The following GJA3 variants were observed in gnomAD, a reference collection of about 807,000 sequenced individuals.
GJA3 encodes the protein gap junction protein alpha 3, also known as gap junction alpha-3 protein.
For missense variants in GJA3, 571 were observed against 620.3 expected (o/e 0.92, Z 0.84); for synonymous variants, 297 against 292.6 (o/e 1.02, Z -0.15).
chr13:20,142,247 T>C lies in GJA3; in HGVS notation c.1042A>G (p.Thr348Ala). 1.3e-6 allele frequency: 2 copies of C among 1,541,528 alleles called. No homozygotes were observed. Among genetic ancestry groups the C allele is most frequent in the African/African-American group, 2.8e-5 (2 of 71,380 alleles). The change falls in exon 2 of 2, where the codon ACG becomes GCG. Residue 348 changes from threonine to alanine, a missense_variant. Transcript: ENST00000241125. ...PALKAYPAASTPAAPSPVGSS... is the reference protein window; with the variant it reads ...PALKAYPAASAPAAPSPVGSS... The stretch of plus-strand genomic sequence containing the variant: ...CCGACGGGGCTGGGGGCTGCAGGCG[T>C]GGACGCTGCCGGGTAAGCCTTGAGC...
intron 1 of GJA3, among the ~76,000 whole-genome samples, chr13:20,159,264 A>G (rs4769959): frequency 0.27 from 41,125 of 151,688 alleles, 7,025 homozygotes; most frequent in Non-Finnish European, 0.38. Flanking sequence ...TTTGCAATCT[A>G]TGAGAGAGGC....
At chr13:20,153,549 C>T (rs1433083168) in intron 1 of GJA3, among the ~76,000 whole-genome samples, 1 of 152,058 alleles carries the variant, frequency 6.6e-6, no homozygotes, top group Non-Finnish European at 1.5e-5. Flanking sequence ...AACCAAACAC[C>T]ACATGTTCTC....
chr13:20,138,845 G>T lies in GJA3; in HGVS notation c.*3136C>A, dbSNP rs574092868. The T allele has an allele frequency of 3.7e-4, 56 of 152,240 alleles. No individual in the cohort carries two copies. The highest frequency in any genetic ancestry group is 1.3e-3 in the African/African-American group (54 of 41,548). 9.4% of individuals were successfully genotyped at this position (152,240 alleles called of 1,614,324 possible). The stretch of plus-strand genomic sequence containing the variant: ...TTCAGTAATACAAAATAAAGAAAGT[G>T]TTAATAATACTTTTTAAAAAGCCTA... On this transcript the variant is annotated 3_prime_UTR_variant, in exon 2 of 2. Coordinates refer to ENST00000241125, the MANE Select transcript of GJA3 (RefSeq NM_021954.4).
Position 20,141,836 on chromosome 13 carries a change from C to G in GJA3, c.*145G>C. On this transcript the variant is annotated 3_prime_UTR_variant, in exon 2 of 2. Transcript: ENST00000241125. ...AGCATTGAACACGGAAACCTGATCT[C>G]TCCTCCATCGTCCACCTCCTGGGAC... is the stretch of plus-strand genomic sequence containing the variant. 4 of 1,207,766 alleles carry G rather than the reference C, an allele frequency of 3.3e-6. No individual in the cohort carries two copies. The South Asian group carries it at 6.1e-5, about 18-fold the overall frequency. The allele number at this position is 1,207,766 out of a possible 1,614,324, so 74.8% of individuals were successfully genotyped here.
At chr13:20,150,571 T>G (rs1233149191) in intron 1 of GJA3, among the ~76,000 whole-genome samples, 1 of 152,242 alleles carries the variant, frequency 6.6e-6, no homozygotes, top group African/African-American at 2.4e-5. Flanking sequence ...TTTATCCTTT[T>G]AACTCTGTTC....
In GJA3 at chr13:20,143,061, G is replaced by A. The variant is rs771941213; in HGVS notation, c.228C>T (p.Arg76=). The A allele has an allele frequency of 1.9e-6, 3 of 1,613,814 alleles. No homozygotes were observed. The highest frequency in any genetic ancestry group is 1.3e-5 in the African/African-American group (1 of 74,944). The part of the protein sequence containing the change: ...YDRAFPISHI[R]FWALQIIFVS... ...CGAAGATGATCTGCAGCGCCCAGAA[G>A]CGGATGTGGGAGATGGGGAAGGCCC... The change falls in exon 2 of 2, where the codon CGC becomes CGT. Residue 76 remains arginine, a synonymous_variant. Coordinates refer to ENST00000241125, the MANE Select transcript of GJA3 (RefSeq NM_021954.4).
intron 1 of GJA3, among the ~76,000 whole-genome samples, chr13:20,148,253 CTTTTTT>C (rs71074204): frequency 3.3e-5 from 3 of 90,720 alleles, no homozygotes; most frequent in Non-Finnish European, 6.6e-5. Flanking sequence ...TACTATGGTT[CTTTTTT>C]TTTTTTTTTT....
At chr13:20,161,338 G>T (rs376727756), upstream of GJA3, among the ~76,000 whole-genome samples, 1 of 152,214 alleles carries the variant, frequency 6.6e-6, no homozygotes, top group South Asian at 2.1e-4. Context: ...ATGCCCGCGC[G>T]GGACGTGAGA....
intron 1 of GJA3, among the ~76,000 whole-genome samples, chr13:20,152,543 C>T (rs1046971375): frequency 2.0e-5 from 3 of 152,060 alleles, no homozygotes; most frequent in Non-Finnish European, 4.4e-5. Flanking sequence ...CACCACCACA[C>T]CTGGCTAATT....
intron 1 of GJA3, among the ~76,000 whole-genome samples, chr13:20,160,139 C>T (rs1037605431): frequency 6.6e-6 from 1 of 152,016 alleles, no homozygotes; most frequent in African/African-American, 2.4e-5. Context: ...AGTGTGGAGT[C>T]GGCAACAAAG....
intron 1 of GJA3, among the ~76,000 whole-genome samples, chr13:20,145,412 A>G (rs971791525): frequency 1.1e-4 from 16 of 152,034 alleles, no homozygotes; most frequent in African/African-American, 3.4e-4. Flanking sequence ...CTTGTGTTCT[A>G]AGGAGGTAGG....
At chr13:20,152,605 A>T (rs1008177600) in intron 1 of GJA3, among the ~76,000 whole-genome samples, 9 of 152,140 alleles carry the variant, frequency 5.9e-5, no homozygotes, top group Non-Finnish European at 1.3e-4. Context: ...GCTGGTCTGG[A>T]ACTCCTGACC....
intron 1 of GJA3, among the ~76,000 whole-genome samples, chr13:20,160,552 A>T (rs1223741862): frequency 6.6e-6 from 1 of 152,188 alleles, no homozygotes; most frequent in Non-Finnish European, 1.5e-5. Context: ...GAGGGGGAAA[A>T]CAACCCCAGG....
intron 1 of GJA3, among the ~76,000 whole-genome samples, chr13:20,144,603 A>C (rs754676504): frequency 5.9e-5 from 9 of 152,180 alleles, no homozygotes; most frequent in Non-Finnish European, 1.3e-4. Context: ...TTAGGTAAAC[A>C]TCCCCAGGCA....
Position 20,142,827 on chromosome 13 carries a change from G to A in GJA3, c.462C>T (p.Ile154=). ...ALLRTYVFNI[I]FKTLFEVGFI... is the part of the protein sequence containing the mutation. ...AGCCCACCTCGAACAGCGTCTTGAAGATGATGTTGAAGACGTAGGTCCGCA... is the reference window on the plus strand; with the variant it reads ...AGCCCACCTCGAACAGCGTCTTGAAAATGATGTTGAAGACGTAGGTCCGCA... Residue 154 remains isoleucine (I), a synonymous_variant, in exon 2 of 2, where the codon ATC becomes ATT. Coordinates refer to ENST00000241125, the MANE Select transcript of GJA3 (RefSeq NM_021954.4). 1 of 1,613,496 alleles carries A rather than the reference G, an allele frequency of 6.2e-7. No homozygotes were observed.
Position 20,141,856 on chromosome 13 carries a change from TGGGACTCCA to T in GJA3, c.*116_*124del. The T allele has an allele frequency of 7.1e-7, 1 of 1,402,360 alleles. No homozygotes were observed. The highest frequency in any genetic ancestry group is 9.7e-7 in the Non-Finnish European group (1 of 1,032,336). The allele number at this position is 1,402,360 out of a possible 1,614,324, so 86.9% of individuals were successfully genotyped here. A position where few individuals can be genotyped will look rare whatever the true frequency, so the allele number is the denominator to read the frequency against. ...GATCTCTCCTCCATCGTCCACCTCC[TGGGACTCCA>T]GTCGCTCCCACCTCCTGGGACTTTC... is the stretch of plus-strand genomic sequence containing the variant. On this transcript the variant is annotated 3_prime_UTR_variant, in exon 2 of 2. Transcript: ENST00000241125.
rs765516212 is a variant in GJA3, at chr13:20,142,935, C to T, written c.354G>A (p.Glu118=). 2 of 1,577,188 alleles carry T rather than the reference C, an allele frequency of 1.3e-6. No individual in the cohort carries two copies. Among genetic ancestry groups the T allele is most frequent in the Non-Finnish European group, 1.7e-6 (2 of 1,161,478 alleles). The part of the protein sequence containing the change: ...EREEEEQLKR[E]SPSPKEPPQD... ...GCGGTGGCTCCTTGGGGCTGGGGCT[C>T]TCTCTCTTCAGCTGCTCCTCCTCCT... Residue 118 remains glutamate (E), a synonymous_variant, in exon 2 of 2, where the codon GAG becomes GAA. Transcript: ENST00000241125.
intron 1 of GJA3, among the ~76,000 whole-genome samples, chr13:20,149,011 TTA>T (rs1191142471): frequency 6.6e-6 from 1 of 152,244 alleles, no homozygotes; most frequent in East Asian, 1.9e-4. Context: ...CAAACAGGTC[TTA>T]TGTTTCAAAA....
chr13:20,161,107 G>T, upstream of GJA3: 1 of 151,984 alleles, frequency 6.6e-6, no homozygotes, highest in South Asian at 1.9e-4. Context: ...CGCCCCCGCC[G>T]CCTCCGAACA....
Sources: allele counts gnomAD v4.1 joint callset (sites outside exome capture counted in the v4.1 genomes callset), GRCh38; gene constraint gnomAD v4.1.1; transcripts MANE v1.5; gene names NCBI Gene and HGNC (gene_info 2026-07-23, HGNC 2026-07-21).